Variants in TMEM232 observed in about 807,000 individuals in gnomAD.
TMEM232 encodes transmembrane protein 232.
In TMEM232, 80 loss-of-function variants were observed where a neutral mutation model predicts 78.8. The ratio of observed to expected loss-of-function variants is 1.01; its 90% CI spans 0.85 to 1.22. The LOEUF is 1.22. Among genes scored for constraint, TMEM232 ranks in the 50% most tolerant of loss-of-function variants. TMEM232 has a pLI of 0.00. For synonymous variants in TMEM232, 297 were observed against 254.3 expected, an observed-to-expected ratio of 1.17 and a Z score of -1.60; for missense variants, 881 against 742.2, an observed-to-expected ratio of 1.19 and a Z score of -2.17.
Position 110,474,136 on chromosome 5 carries a change from C to T in TMEM232, c.1704-49220G>A, listed in dbSNP as rs150861166. Among the ~76,000 whole-genome samples, 96 of 151,698 alleles carry T rather than the reference C, an allele frequency of 6.3e-4. 1 individual carries two copies. In the East Asian group the frequency reaches 0.013, roughly 21 times the overall value. On this transcript the variant is annotated intron_variant, in intron 12 of 13. Transcript: ENST00000455884. The stretch of plus-strand genomic sequence containing the variant: ...GTACATTTCAAAATAGCTATAAGAA[C>T]GGATTCTGAATGTTCTCATCACAAA...
At chr5:110,492,508 A>G (rs1383562436) in intron 12 of TMEM232, among the ~76,000 whole-genome samples, 1 of 151,972 alleles carries the variant, frequency 6.6e-6, no homozygotes, top group Non-Finnish European at 1.5e-5. Context: ...ATGGTTAACT[A>G]AAAACTAAAG....
rs535469355 is a variant in TMEM232 at position 110,424,197 on chromosome 5, T to A, written c.1797+626A>T. Reference sequence around the variant, plus strand: ...TTTAATTGCAATCTGAGAGATAATATTGAACTACTGGTGATAAAATTAAGT... The same window carrying A: ...TTTAATTGCAATCTGAGAGATAATAATGAACTACTGGTGATAAAATTAAGT... On this transcript the variant is annotated intron_variant, in intron 13 of 13. Coordinates refer to ENST00000455884, the MANE Select transcript of TMEM232 (RefSeq NM_001039763.4). Among the ~76,000 whole-genome samples, 4 of 152,270 alleles carry A rather than the reference T, an allele frequency of 2.6e-5. No homozygotes were observed. In the South Asian group the frequency reaches 6.2e-4, roughly 24 times the overall value.
rs141266002 is a variant in TMEM232 at position 110,561,863 on chromosome 5, C to A, written c.1455+6584G>T. On this transcript the variant is annotated intron_variant, in intron 11 of 13. Transcript: ENST00000455884. ...CTGGATAATGCACTTATTGACATGG[C>A]AGTTACTGGGTTCCAAGAGAATAAG... Among the ~76,000 whole-genome samples the A allele has an allele frequency of 3.1e-3, 472 of 152,092 alleles. 1 individual carries two copies. The highest frequency in any genetic ancestry group is 0.011 in the African/African-American group (456 of 41,504).
At chr5:110,574,445 C>T (rs1777338627) in intron 10 of TMEM232, among the ~76,000 whole-genome samples, 1 of 151,920 alleles carries the variant, frequency 6.6e-6, no homozygotes. Context: ...ATCTCATAGG[C>T]CTTGGAATGT....
chr5:110,610,656 G>A (rs1460589821), intron 8 of TMEM232: 2 of 404,162 alleles, frequency 4.9e-6, no homozygotes, highest in Non-Finnish European at 9.6e-6. Flanking sequence ...TCACAAAGAT[G>A]TTCCTAAAAA....
intron 11 of TMEM232, among the ~76,000 whole-genome samples, chr5:110,559,321 A>G (rs994224328): frequency 3.9e-5 from 6 of 152,146 alleles, no homozygotes; most frequent in Non-Finnish European, 1.5e-5. Flanking sequence ...AACCCTAATA[A>G]TAAGGGATAA....
At chr5:110,562,175 C>T (rs925653553) in intron 11 of TMEM232, among the ~76,000 whole-genome samples, 1 of 152,104 alleles carries the variant, frequency 6.6e-6, no homozygotes, top group Non-Finnish European at 1.5e-5. Context: ...TTAGAACCAA[C>T]AATTTTCCCC....
At chr5:110,655,142 T>C (rs935600155) in intron 2 of TMEM232, among the ~76,000 whole-genome samples, 54 of 152,210 alleles carry the variant, frequency 3.5e-4, no homozygotes, top group African/African-American at 1.2e-3. Flanking sequence ...AGAAAATTTT[T>C]GCAACCTACT....
At chr5:110,493,790 T>G (rs981431235) in intron 12 of TMEM232, among the ~76,000 whole-genome samples, 5 of 152,048 alleles carry the variant, frequency 3.3e-5, no homozygotes, top group African/African-American at 1.2e-4. Context: ...ATATCTTTTT[T>G]TTTTTAATAC....
At chr5:110,730,553 G>T (rs760744603), upstream of TMEM232, among the ~76,000 whole-genome samples, 4 of 152,180 alleles carry the variant, frequency 2.6e-5, no homozygotes, top group Non-Finnish European at 4.4e-5. Context: ...TGGACTTACA[G>T]TTCCACATGG....
At chr5:110,678,306 T>A (rs536405487) in intron 1 of TMEM232, among the ~76,000 whole-genome samples, 2 of 152,106 alleles carry the variant, frequency 1.3e-5, no homozygotes, top group Non-Finnish European at 2.9e-5. Flanking sequence ...CTCAGGTGAT[T>A]CCCCTGCCTC....
intron 2 of TMEM232, 66 bp from the exon 3 acceptor site, chr5:110,642,437 C>A: frequency 8.9e-7 from 1 of 1,129,042 alleles, no homozygotes; most frequent in South Asian, 1.6e-5. Flanking sequence ...TTCAATTAAT[C>A]AACTTCCAGT....
At chr5:110,530,658 A>G (rs1464488742) in intron 11 of TMEM232, among the ~76,000 whole-genome samples, 1 of 152,216 alleles carries the variant, frequency 6.6e-6, no homozygotes, top group Admixed American at 6.5e-5. Context: ...TCTCACTTAC[A>G]TGTAAAATCT....
chr5:110,634,137 A>G (rs1785500275), intron 5 of TMEM232, among the ~76,000 whole-genome samples: 1 of 152,184 alleles, frequency 6.6e-6, no homozygotes, highest in Admixed American at 6.5e-5. Flanking sequence ...CAATCCAGGA[A>G]GAGGATATTA....
chr5:110,531,719 T>A (rs1257005706), intron 11 of TMEM232, among the ~76,000 whole-genome samples: 3 of 152,198 alleles, frequency 2.0e-5, no homozygotes, highest in Non-Finnish European at 4.4e-5. Flanking sequence ...ATGCTCCTTT[T>A]TCTTTATCCC....
chr5:110,490,177 G>GAAAGAAAT (rs1764919963), intron 12 of TMEM232, among the ~76,000 whole-genome samples: 1 of 125,730 alleles, frequency 8.0e-6, no homozygotes, highest in African/African-American at 3.7e-5. Flanking sequence ...AAGAAAGAAA[G>GAAAGAAAT]AAAGAAAGAA....
intron 2 of TMEM232, among the ~76,000 whole-genome samples, chr5:110,663,695 G>A (rs1421663036): frequency 7.4e-6 from 1 of 135,620 alleles, no homozygotes; most frequent in Non-Finnish European, 1.7e-5. Context: ...AAGAGGAAGT[G>A]ATACTCTCAT....
chr5:110,705,667 C>T (rs1185310810), intron 1 of TMEM232, among the ~76,000 whole-genome samples: 1 of 130,852 alleles, frequency 7.6e-6, no homozygotes, highest in African/African-American at 2.7e-5. Flanking sequence ...TGAAAAATTA[C>T]TACCAGGGTT....
chr5:110,673,219 C>T (rs548417321), intron 1 of TMEM232, among the ~76,000 whole-genome samples: 5 of 151,668 alleles, frequency 3.3e-5, no homozygotes, highest in South Asian at 2.1e-4. Flanking sequence ...AACCAAACAC[C>T]GCATGTTCTC....
Sources: allele counts gnomAD v4.1 joint callset (sites outside exome capture counted in the v4.1 genomes callset), GRCh38; gene constraint gnomAD v4.1.1; transcripts MANE v1.5; gene names NCBI Gene and HGNC (gene_info 2026-07-23, HGNC 2026-07-21).